Variants in FOXN3 observed in about 807,000 individuals in gnomAD.
FOXN3 encodes forkhead box N3.
FOXN3 carries 7 observed loss-of-function variants against 38.4 expected under a neutral mutation model. That is an observed-to-expected ratio of 0.18 (90% CI 0.10 to 0.34). FOXN3 has a LOEUF of 0.34. Ranked by LOEUF, FOXN3 falls within the 10% of genes least tolerant of loss-of-function variation. FOXN3 has a pLI of 1.00. For synonymous variants in FOXN3, 230 were observed against 242.2 expected, an observed-to-expected ratio of 0.95 and a Z score of 0.47; for missense variants, 456 against 613.4, an observed-to-expected ratio of 0.74 and a Z score of 2.71.
At chr14:89,325,327 A>G (rs1596185370) in intron 3 of FOXN3, among the ~76,000 whole-genome samples, 1 of 123,550 alleles carries the variant, frequency 8.1e-6, no homozygotes, top group Non-Finnish European at 1.6e-5. Flanking sequence ...CACCACCACC[A>G]CCACCACCAC....
intron 2 of FOXN3, among the ~76,000 whole-genome samples, chr14:89,387,277 A>G (rs920406169): frequency 1.3e-5 from 2 of 152,134 alleles, no homozygotes; most frequent in African/African-American, 4.8e-5. Flanking sequence ...CAATCAATCA[A>G]TAAACAAACC....
chr14:89,618,347 T>G (rs1896531630), intron 1 of FOXN3, among the ~76,000 whole-genome samples: 1 of 152,162 alleles, frequency 6.6e-6, no homozygotes, highest in Admixed American at 6.5e-5. Flanking sequence ...AAACAAAGCA[T>G]GAAAAATAGT....
intron 1 of FOXN3, among the ~76,000 whole-genome samples, chr14:89,478,931 CAAAAAA>C (rs59945805): frequency 3.7e-5 from 2 of 54,198 alleles, no homozygotes; most frequent in African/African-American, 6.2e-5. Context: ...GACTCCATCT[CAAAAAA>C]AAAAAAAAAA....
chr14:89,164,966 G>A lies in FOXN3; in HGVS notation c.852-1997C>T, dbSNP rs921793777. On this transcript the variant is annotated intron_variant, in intron 5 of 5. Coordinates refer to ENST00000557258, the MANE Select transcript of FOXN3 (RefSeq NM_005197.4). This position sits in a 1 kb window ranked among gnomAD's most constrained non-coding sequence, Gnocchi z 4.3. Reference sequence around the variant, plus strand: ...GGGGCCCCAGGGCCGGTGGTATTTTGCTAAATTTAGGCTGGGGGAGAGACT... The same window carrying A: ...GGGGCCCCAGGGCCGGTGGTATTTTACTAAATTTAGGCTGGGGGAGAGACT... Among the ~76,000 whole-genome samples, 1 of 151,884 alleles carries A rather than the reference G, an allele frequency of 6.6e-6. No homozygotes were observed.
intron 1 of FOXN3, among the ~76,000 whole-genome samples, chr14:89,479,322 C>G (rs548539761): frequency 6.6e-6 from 1 of 152,230 alleles, no homozygotes; most frequent in South Asian, 2.1e-4. Flanking sequence ...TCTCGGGAGC[C>G]CTAACTTCAG....
intron 4 of FOXN3, among the ~76,000 whole-genome samples, chr14:89,229,251 C>T (rs1884731404): frequency 6.6e-6 from 1 of 152,150 alleles, no homozygotes; most frequent in African/African-American, 2.4e-5. Flanking sequence ...ACATTGATTG[C>T]CGGGCCAATA....
chr14:89,256,541 C>T (rs961817274), intron 4 of FOXN3, among the ~76,000 whole-genome samples: 13 of 152,184 alleles, frequency 8.5e-5, no homozygotes, highest in African/African-American at 2.9e-4. Flanking sequence ...TTGTGCATCA[C>T]GCTATTGCTG....
intron 2 of FOXN3, among the ~76,000 whole-genome samples, chr14:89,377,020 CAAAAAAAAAAAAAAAAAAAA>C (rs59105357): frequency 2.1e-4 from 9 of 42,784 alleles, no homozygotes; most frequent in African/African-American, 4.7e-4. Flanking sequence ...GACTCTGTCT[CAAAAAAAAAAAAAAAAAAAA>C]AAAAAAAAAA....
chr14:89,223,411 T>C (rs1210763689), intron 4 of FOXN3: 5 of 152,332 alleles, frequency 3.3e-5, no homozygotes, highest in African/African-American at 1.2e-4. Flanking sequence ...TCCTGGGAGA[T>C]CGCCCAGGGT....
chr14:89,369,612 A>C (rs928767853), intron 2 of FOXN3, among the ~76,000 whole-genome samples: 1 of 152,052 alleles, frequency 6.6e-6, no homozygotes, highest in African/African-American at 2.4e-5. Context: ...GAGGCCTCAC[A>C]ATCATGGTGG....
rs149480336 is a variant in FOXN3, at chr14:89,192,246, C to T, written c.746-11440G>A. ...TTATATATTAAGTATATTATATTAA[C>T]CATTATATATAACAGTATATATTAA... On this transcript the variant is annotated intron_variant, in intron 4 of 5. Transcript: ENST00000557258. Among the ~76,000 whole-genome samples the T allele has an allele frequency of 7.3e-3, 1,056 of 144,890 alleles. 10 individuals are homozygous for T. The highest frequency in any genetic ancestry group is 0.025 in the African/African-American group (1,006 of 39,708).
intron 1 of FOXN3, among the ~76,000 whole-genome samples, chr14:89,497,090 G>C (rs1217931475): frequency 6.6e-6 from 1 of 151,996 alleles, no homozygotes; most frequent in Non-Finnish European, 1.5e-5. Flanking sequence ...GAGTAGCTGG[G>C]ATTACAGGCG....
At chr14:89,354,543 T>TAAAAAAAA (rs760406905) in intron 2 of FOXN3, among the ~76,000 whole-genome samples, 1 of 121,590 alleles carries the variant, frequency 8.2e-6, no homozygotes, top group Non-Finnish European at 1.7e-5. Context: ...TGCTTTTTAT[T>TAAAAAAAA]AAAAAAAAAA....
At chr14:89,496,558 T>C (rs925054555) in intron 1 of FOXN3, among the ~76,000 whole-genome samples, 1 of 152,132 alleles carries the variant, frequency 6.6e-6, no homozygotes, top group Admixed American at 6.5e-5. Flanking sequence ...GCAGTAATTA[T>C]TATATTTAGC....
intron 1 of FOXN3, among the ~76,000 whole-genome samples, chr14:89,588,658 G>A (rs974626627): frequency 1.3e-5 from 2 of 152,138 alleles, no homozygotes; most frequent in African/African-American, 4.8e-5. Flanking sequence ...TTGGGTAGCA[G>A]TATATTTGTG....
chr14:89,523,643 C>T (rs920955347), intron 1 of FOXN3, among the ~76,000 whole-genome samples: 7 of 152,124 alleles, frequency 4.6e-5, no homozygotes, highest in African/African-American at 1.7e-4. Context: ...GTACTTCTAA[C>T]TGGATGAAAA....
chr14:89,297,596 C>T (rs1887082942), intron 3 of FOXN3, among the ~76,000 whole-genome samples: 1 of 151,272 alleles, frequency 6.6e-6, no homozygotes, highest in Non-Finnish European at 1.5e-5. Context: ...GGAATGCCAT[C>T]AAATCTAACA....
chr14:89,403,834 T>G (rs1335936374), intron 2 of FOXN3, among the ~76,000 whole-genome samples: 2 of 152,216 alleles, frequency 1.3e-5, no homozygotes, highest in East Asian at 3.9e-4. Context: ...TAGTGGCATC[T>G]TCCTGGCCAA....
At chr14:89,406,089 G>T (rs1434236156) in intron 2 of FOXN3, among the ~76,000 whole-genome samples, 1 of 152,122 alleles carries the variant, frequency 6.6e-6, no homozygotes, top group South Asian at 2.1e-4. Context: ...CGGGACTACA[G>T]GTGCGTGCCA....
Sources: allele counts gnomAD v4.1 joint callset (sites outside exome capture counted in the v4.1 genomes callset), GRCh38; gene constraint gnomAD v4.1.1; non-coding constraint Gnocchi (gnomAD v3.1); transcripts MANE v1.5; gene names NCBI Gene and HGNC (gene_info 2026-07-23, HGNC 2026-07-21).